The following PRKN variants were observed in gnomAD, a reference collection of about 807,000 sequenced individuals.
PRKN encodes the protein E3 ubiquitin-protein ligase parkin.
In PRKN, 56 loss-of-function variants were observed where a neutral mutation model predicts 59.5. The observed-to-expected ratio is 0.94, with a 90% confidence interval of 0.76 to 1.18. The LOEUF (loss-of-function observed/expected upper bound fraction) is 1.18, where lower values mean the gene tolerates loss of function less well. Ranked by LOEUF, PRKN falls within the 50% of genes most tolerant of loss-of-function variation. The pLI, the probability that PRKN is intolerant of heterozygous loss-of-function variation, is 0.00. For missense variants in PRKN, 657 were observed against 596.4 expected (o/e 1.10, Z -1.06); for synonymous variants, 250 against 222.1 (o/e 1.13, Z -1.12).
intron 5 of PRKN, among the ~76,000 whole-genome samples, chr6:162,003,292 T>C (rs1254194676): frequency 6.6e-6 from 1 of 152,036 alleles, no homozygotes; most frequent in Admixed American, 6.6e-5. Context: ...ACCTCCTGGA[T>C]GGCAGCAGGA....
At chr6:161,455,605 C>T (rs1050065944) in intron 9 of PRKN, among the ~76,000 whole-genome samples, 3 of 152,072 alleles carry the variant, frequency 2.0e-5, no homozygotes, top group African/African-American at 4.8e-5. Context: ...GGGGCTCACG[C>T]CTGTAATCCC....
chr6:162,299,256 C>T (rs1781830909), intron 2 of PRKN, among the ~76,000 whole-genome samples: 1 of 152,116 alleles, frequency 6.6e-6, no homozygotes, highest in African/African-American at 2.4e-5. Flanking sequence ...CTGTGAGCTC[C>T]CGACTTAGAT....
Position 161,551,317 on chromosome 6 carries a change from C to G in PRKN, c.934-2314G>C, listed in dbSNP as rs1780010009. Among the ~76,000 whole-genome samples, 1 of 152,202 alleles carries G rather than the reference C, an allele frequency of 6.6e-6. No homozygotes were observed. The highest frequency in any genetic ancestry group is 1.5e-5 in the Non-Finnish European group (1 of 68,036). On this transcript the variant is annotated intron_variant, in intron 8 of 11. Transcript: ENST00000366898. This position sits in a 1 kb window ranked among gnomAD's most constrained non-coding sequence, Gnocchi z 5.2. ...CTGGCGACCTGAACGTCTCCAGGTC[C>G]TGCCTGAGTCTCAGGATTACCTGCA...
chr6:162,633,753 AG>A (rs2128223111), intron 1 of PRKN, among the ~76,000 whole-genome samples: 1 of 151,906 alleles, frequency 6.6e-6, no homozygotes, highest in African/African-American at 2.4e-5. Flanking sequence ...TGGGGGAGGA[AG>A]GGAGGAGAGT....
intron 7 of PRKN, among the ~76,000 whole-genome samples, chr6:161,731,915 G>A (rs1332075755): frequency 6.6e-6 from 1 of 152,004 alleles, no homozygotes; most frequent in Non-Finnish European, 1.5e-5. Flanking sequence ...GTTTCAGTAG[G>A]TATAGCCATT....
At chr6:162,416,802 G>T (rs2128157476) in intron 2 of PRKN, among the ~76,000 whole-genome samples, 1 of 152,186 alleles carries the variant, frequency 6.6e-6, no homozygotes, top group East Asian at 1.9e-4. Context: ...TTTCTAAAAT[G>T]AAAATTTGAG....
chr6:162,227,349 G>C (rs1410409158), intron 3 of PRKN, among the ~76,000 whole-genome samples: 2 of 151,684 alleles, frequency 1.3e-5, no homozygotes, highest in Non-Finnish European at 2.9e-5. Context: ...ATTTTATCTT[G>C]CTTTTCATTA....
intron 9 of PRKN, among the ~76,000 whole-genome samples, chr6:161,477,836 A>G (rs1232454563): frequency 6.6e-6 from 1 of 152,210 alleles, no homozygotes; most frequent in Non-Finnish European, 1.5e-5. Flanking sequence ...CTTGCTTCCC[A>G]GTATTATCTG....
At position 161,548,404 on chromosome 6, in the gene PRKN, A is replaced by C. The variant is rs1388790612; in HGVS notation, c.1083+450T>G. 6.6e-6 allele frequency among the ~76,000 whole-genome samples: 1 copy of C among 152,236 alleles called. No homozygotes were observed. Among genetic ancestry groups the C allele is most frequent in the African/African-American group, 2.4e-5 (1 of 41,462 alleles). On this transcript the variant is annotated intron_variant, in intron 9 of 11. Coordinates refer to ENST00000366898, the MANE Select transcript of PRKN (RefSeq NM_004562.3). The surrounding 1 kb of genome is among the most constrained non-coding windows in gnomAD (Gnocchi z 4.2). ...GATTTTTATGACATAATAACATTTC[A>C]AGTTTTCCACATTAACCTTCATTTT...
chr6:161,532,568 G>C (rs984465682), intron 9 of PRKN, among the ~76,000 whole-genome samples: 2 of 152,074 alleles, frequency 1.3e-5, no homozygotes, highest in Non-Finnish European at 2.9e-5. Flanking sequence ...AATATCTAGG[G>C]TTGTTATAAA....
chr6:162,086,947 T>A (rs1779271903), intron 4 of PRKN, among the ~76,000 whole-genome samples: 1 of 152,196 alleles, frequency 6.6e-6, no homozygotes, highest in Non-Finnish European at 1.5e-5. Context: ...AATTCAAGCG[T>A]AAATTGAGCC....
intron 2 of PRKN, among the ~76,000 whole-genome samples, chr6:162,412,764 T>C (rs1788412473): frequency 6.6e-6 from 1 of 152,084 alleles, no homozygotes; most frequent in Non-Finnish European, 1.5e-5. Flanking sequence ...AAATTGAGCT[T>C]GAGAACTGTA....
chr6:162,260,787 G>T (rs1007916718), intron 3 of PRKN, among the ~76,000 whole-genome samples: 1 of 152,086 alleles, frequency 6.6e-6, no homozygotes, highest in African/African-American at 2.4e-5. Flanking sequence ...GTTTAATTTT[G>T]CTCTAAACAA....
intron 4 of PRKN, among the ~76,000 whole-genome samples, chr6:162,163,142 A>C (rs1170703128): frequency 6.7e-6 from 1 of 149,486 alleles, no homozygotes; most frequent in East Asian, 1.9e-4. Context: ...ATGAATGCCT[A>C]GACTTCTAAG....
At chr6:161,722,425 G>C (rs940450801) in intron 7 of PRKN, among the ~76,000 whole-genome samples, 3 of 152,096 alleles carry the variant, frequency 2.0e-5, no homozygotes, top group Non-Finnish European at 2.9e-5. Context: ...AATTTAGTTA[G>C]CTCAGCACCT....
At position 161,582,913 on chromosome 6, in the gene PRKN, G is replaced by A. The variant is rs1781392880; in HGVS notation, c.872-13497C>T. ...CTGACATAGGAAAAAGACTATGGGAGCCCTTGTGCCAGTGACTAAATTCCA... is the reference window on the plus strand; with the variant it reads ...CTGACATAGGAAAAAGACTATGGGAACCCTTGTGCCAGTGACTAAATTCCA... On this transcript the variant is annotated intron_variant, in intron 7 of 11. Coordinates refer to ENST00000366898, the MANE Select transcript of PRKN (RefSeq NM_004562.3). This position sits in a 1 kb window ranked among gnomAD's most constrained non-coding sequence, Gnocchi z 4.4. Among the ~76,000 whole-genome samples the A allele has an allele frequency of 6.6e-6, 1 of 151,418 alleles. No individual in the cohort carries two copies. Among genetic ancestry groups the A allele is most frequent in the African/African-American group, 2.4e-5 (1 of 41,220 alleles).
chr6:161,629,635 G>A (rs1243770708), intron 7 of PRKN, among the ~76,000 whole-genome samples: 2 of 152,006 alleles, frequency 1.3e-5, no homozygotes, highest in East Asian at 1.9e-4. Flanking sequence ...CCTGAACCAC[G>A]GACGCTTTTT....
rs1382089937 is a variant in PRKN at position 161,902,556 on chromosome 6, A to ATCTATTTTTTTTTTTTT, written c.734+70745_734+70746insAAAAAAAAAAAAATAGA. The stretch of plus-strand genomic sequence containing the variant: ...TATCTATCTATCTATCTATTTATTT[A>ATCTATTTTTTTTTTTTT]TTTATTTATTTTTTTTTTTTTGCGA... On this transcript the variant is annotated intron_variant, in intron 6 of 11. Coordinates refer to ENST00000366898, the MANE Select transcript of PRKN (RefSeq NM_004562.3). Among the ~76,000 whole-genome samples the ATCTATTTTTTTTTTTTT allele has an allele frequency of 3.6e-4, 43 of 118,206 alleles. 4 individuals are homozygous for ATCTATTTTTTTTTTTTT. The highest frequency in any genetic ancestry group is 4.3e-4 in the Admixed American group (5 of 11,574). The allele number at this position is 118,206 out of a possible 152,430, so 77.5% of individuals were successfully genotyped here. A position where few individuals can be genotyped will look rare whatever the true frequency, so the allele number is the denominator to read the frequency against.
Position 161,355,195 on chromosome 6 carries a change from T to A in PRKN, c.1285+4893A>T, listed in dbSNP as rs1379995229. On this transcript the variant is annotated intron_variant, in intron 11 of 11. Coordinates refer to ENST00000366898, the MANE Select transcript of PRKN (RefSeq NM_004562.3). The surrounding 1 kb of genome is among the most constrained non-coding windows in gnomAD (Gnocchi z 6.8). Reference sequence around the variant, plus strand: ...CCCGGTGTCTTTGCTCATGCAGTCCTGGGGCCTAGGACGCCTCCTCCTGCT... The same window carrying A: ...CCCGGTGTCTTTGCTCATGCAGTCCAGGGGCCTAGGACGCCTCCTCCTGCT... Among the ~76,000 whole-genome samples the A allele has an allele frequency of 2.0e-5, 3 of 152,234 alleles. No individual in the cohort carries two copies. The highest frequency in any genetic ancestry group is 4.4e-5 in the Non-Finnish European group (3 of 68,046).
Sources: allele counts gnomAD v4.1 joint callset (sites outside exome capture counted in the v4.1 genomes callset), GRCh38; gene constraint gnomAD v4.1.1; non-coding constraint Gnocchi (gnomAD v3.1); transcripts MANE v1.5; gene names NCBI Gene and HGNC (gene_info 2026-07-23, HGNC 2026-07-21).